The following OTUD1 variants were observed in gnomAD, a reference collection of about 807,000 sequenced individuals.
OTUD1 encodes OTU domain-containing protein 1.
A neutral mutation model predicts 30.0 loss-of-function variants in OTUD1; 15 were observed. The ratio of observed to expected loss-of-function variants is 0.50; its 90% CI spans 0.33 to 0.77. The LOEUF (loss-of-function observed/expected upper bound fraction) is 0.77, where lower values mean the gene tolerates loss of function less well. Among genes scored for constraint, OTUD1 ranks in the 30% least tolerant of loss-of-function variants. OTUD1 has a pLI of 0.02. For synonymous variants in OTUD1, 381 were observed against 326.3 expected, an observed-to-expected ratio of 1.17 and a Z score of -1.81; for missense variants, 796 against 697.8, an observed-to-expected ratio of 1.14 and a Z score of -1.59.
rs988415235 is a variant in OTUD1, at chr10:23,441,229, G to A, written c.*326G>A. The A allele has an allele frequency of 5.3e-5, 14 of 263,644 alleles. No individual in the cohort carries two copies. The South Asian group carries it at 9.9e-4, about 19-fold the overall frequency. 16.3% of individuals were successfully genotyped at this position (263,644 alleles called of 1,614,324 possible). On this transcript the variant is annotated 3_prime_UTR_variant, in exon 1 of 1. Transcript: ENST00000376495. ...CTATTTTCTATAAAAATGTATTTTT[G>A]CACAACATTTTTAAAAACTGGTGTA...
In OTUD1 at chr10:23,440,229, G is replaced by C; in HGVS notation, c.772G>C (p.Glu258Gln). The change falls in exon 1 of 1, where the codon GAG becomes CAG. Residue 258 changes from glutamate (E) to glutamine (Q), a missense_variant. Coordinates refer to ENST00000376495, the MANE Select transcript of OTUD1 (RefSeq NM_001145373.3). ...GGACGCGGCGCGGAGGCCCGACCCA[G>C]AGGCCGAGGCACCCCCCGCCGGGAG... ...GGDAARRPDP[E>Q]AEAPPAGSIE... 6.5e-7 allele frequency: 1 copy of C among 1,533,978 alleles called. No homozygotes were observed. Among genetic ancestry groups the C allele is most frequent in the African/African-American group, 1.4e-5 (1 of 72,702 alleles).
Position 23,439,295 on chromosome 10 carries a change from A to G in OTUD1, c.-163A>G, listed in dbSNP as rs1426798034. On this transcript the variant is annotated 5_prime_UTR_variant, in exon 1 of 1. Coordinates refer to ENST00000376495, the MANE Select transcript of OTUD1 (RefSeq NM_001145373.3). ...GGAATTTGGCCGGGACCCGGGCGCTATTCGCGGCTGCTGACTCGCGGCGGC... is the reference window on the plus strand; with the variant it reads ...GGAATTTGGCCGGGACCCGGGCGCTGTTCGCGGCTGCTGACTCGCGGCGGC... 2.0e-5 allele frequency among the ~76,000 whole-genome samples: 3 copies of G among 151,406 alleles called. No homozygotes were observed. Among genetic ancestry groups the G allele is most frequent in the Non-Finnish European group, 1.5e-5 (1 of 67,786 alleles).
In OTUD1 at chr10:23,441,642, TA is replaced by T. The variant is rs1847130528; in HGVS notation, c.*740del. 1 of 167,036 alleles carries T rather than the reference TA, an allele frequency of 6.0e-6. No individual in the cohort carries two copies. The highest frequency in any genetic ancestry group is 2.4e-5 in the African/African-American group (1 of 41,460). 10.3% of individuals were successfully genotyped at this position (167,036 alleles called of 1,614,324 possible). ...AGGTCTTACTTGAATGAAAGTCTGA[TA>T]TTTGCTGATGGCAGAATGATTATTC... On this transcript the variant is annotated 3_prime_UTR_variant, in exon 1 of 1. Coordinates refer to ENST00000376495, the MANE Select transcript of OTUD1 (RefSeq NM_001145373.3).
In OTUD1 at chr10:23,439,328, C is replaced by CT; in HGVS notation, c.-127dup. 3 of 831,384 alleles carry CT rather than the reference C, an allele frequency of 3.6e-6. No individual in the cohort carries two copies. Among genetic ancestry groups the CT allele is most frequent in the Non-Finnish European group, 4.7e-6 (3 of 631,956 alleles). 51.5% of individuals were successfully genotyped at this position (831,384 alleles called of 1,614,324 possible). A position where few individuals can be genotyped will look rare whatever the true frequency, so the allele number is the denominator to read the frequency against. ...CTGCTGACTCGCGGCGGCCGGCTGC[C>CT]TTTCGCTCATCTCTATTCTGGGGCC... On this transcript the variant is annotated 5_prime_UTR_variant, in exon 1 of 1. Transcript: ENST00000376495.
In OTUD1 at chr10:23,440,405, A is replaced by C. The variant is rs918155365; in HGVS notation, c.948A>C (p.Pro316=). ...ATAAGTACCGATTCCACATCATTCC[A>C]GACGGCAACTGCCTCTACCGAGCTG... ...QRNKYRFHII[P]DGNCLYRAVS... The change falls in exon 1 of 1, where the codon CCA becomes CCC. Residue 316 remains proline (P), a synonymous_variant. Transcript: ENST00000376495. 2 of 1,551,552 alleles carry C rather than the reference A, an allele frequency of 1.3e-6. No individual in the cohort carries two copies. The highest frequency in any genetic ancestry group is 1.7e-6 in the Non-Finnish European group (2 of 1,147,014).
In OTUD1 at chr10:23,440,671, T is replaced by G; in HGVS notation, c.1214T>G (p.Val405Gly). Residue 405 changes from valine to glycine, a missense_variant, in exon 1 of 1, where the codon GTG becomes GGG. Physicochemically the swap from Val to Gly is moderately radical, Grantham distance 109. Coordinates refer to ENST00000376495, the MANE Select transcript of OTUD1 (RefSeq NM_001145373.3). ...GGAGGGAGGCTGGAGAGTCCCACGG[T>G]GTCTACCATGATTCATTATTTGGGC... ...TTGGRLESPT[V>G]STMIHYLGPE... is the part of the protein sequence containing the mutation. 6.4e-7 allele frequency: 1 copy of G among 1,551,806 alleles called. No homozygotes were observed. The highest frequency in any genetic ancestry group is 8.7e-7 in the Non-Finnish European group (1 of 1,147,024).
chr10:23,440,807 ACAAACT>A lies in OTUD1; in HGVS notation c.1354_1359del (p.Thr452_Gln453del). On this transcript the variant is annotated inframe_deletion, in exon 1 of 1. Transcript: ENST00000376495. Reference sequence around the variant, plus strand: ...ACCCAGAGTACGACAACTGGTGCAAACAAACTCAAGTGCAAAGGAAACGCGACGAAG... The same window carrying A: ...ACCCAGAGTACGACAACTGGTGCAAACAAGTGCAAAGGAAACGCGACGAAG... 6.4e-7 allele frequency: 1 copy of A among 1,552,194 alleles called. No individual in the cohort carries two copies. The highest frequency in any genetic ancestry group is 8.7e-7 in the Non-Finnish European group (1 of 1,147,110).
chr10:23,441,940 G>A lies in OTUD1; in HGVS notation c.*1037G>A, dbSNP rs1847133433. On this transcript the variant is annotated 3_prime_UTR_variant, in exon 1 of 1. Transcript: ENST00000376495. ...AGGCAAAATAGGATTGCCCTGTATT[G>A]ATGTAGAAATGTCTGTAAACAGAGC... 1 of 166,974 alleles carries A rather than the reference G, an allele frequency of 6.0e-6. No individual in the cohort carries two copies. Among genetic ancestry groups the A allele is most frequent in the Non-Finnish European group, 1.5e-5 (1 of 68,114 alleles). 10.3% of individuals were successfully genotyped at this position (166,974 alleles called of 1,614,324 possible).
chr10:23,439,910 G>C lies in OTUD1; in HGVS notation c.453G>C (p.Pro151=), dbSNP rs1166970123. The change falls in exon 1 of 1, where the codon CCG becomes CCC. Residue 151 remains proline, a synonymous_variant. Coordinates refer to ENST00000376495, the MANE Select transcript of OTUD1 (RefSeq NM_001145373.3). ...GCGGCCGCTGCCTCCTGCTCGCCCC[G>C]GCGCCCGCAGCCCCGGTCCCGCCGC... ...APRGRCLLLA[P]APAAPVPPRR... is the part of the protein sequence containing the mutation. 3.3e-6 allele frequency: 4 copies of C among 1,207,606 alleles called. No individual in the cohort carries two copies. In the East Asian group the frequency reaches 1.4e-4, roughly 42 times the overall value. 74.8% of individuals were successfully genotyped at this position (1,207,606 alleles called of 1,614,324 possible). A position where few individuals can be genotyped will look rare whatever the true frequency, so the allele number is the denominator to read the frequency against.
At position 23,439,979 on chromosome 10, in the gene OTUD1, C is replaced by T. The variant is rs1177596978; in HGVS notation, c.522C>T (p.Pro174=). 5.3e-6 allele frequency: 7 copies of T among 1,325,302 alleles called. No homozygotes were observed. In the East Asian group the frequency reaches 1.3e-4, roughly 24 times the overall value. The allele number at this position is 1,325,302 out of a possible 1,614,324, so 82.1% of individuals were successfully genotyped here. A position where few individuals can be genotyped will look rare whatever the true frequency, so the allele number is the denominator to read the frequency against. ...GGCTCCTGGAGGAGCTGCTGCGGCC[C>T]GACTGCCCCGAGCCCGCGGGCTTGG... ...SAWLLEELLR[P]DCPEPAGLDA... Residue 174 remains proline (P), a synonymous_variant, in exon 1 of 1, where the codon CCC becomes CCT. Transcript: ENST00000376495.
chr10:23,440,210 G>A lies in OTUD1; in HGVS notation c.753G>A (p.Ala251=). The change falls in exon 1 of 1, where the codon GCG becomes GCA. Residue 251 remains alanine (A), a synonymous_variant. Transcript: ENST00000376495. ...GDRCDAPGGD[A]ARRPDPEAEA... ...GCTGCGACGCGCCCGGTGGGGACGC[G>A]GCGCGGAGGCCCGACCCAGAGGCCG... The A allele has an allele frequency of 6.7e-7, 1 of 1,489,820 alleles. No homozygotes were observed. The highest frequency in any genetic ancestry group is 8.9e-7 in the Non-Finnish European group (1 of 1,119,238). 92.3% of individuals were successfully genotyped at this position (1,489,820 alleles called of 1,614,324 possible).
Position 23,440,723 on chromosome 10 carries a change from T to TTGAA in OTUD1, c.1268_1269insAATG (p.Trp423Ter). ...CAGAGGATTCCCTGAGGCCTAGTAT[T>TTGAA]TGGCTCAGTTGGCTCAGTAACGGAC... On this transcript the variant is annotated stop_gained and frameshift_variant, in exon 1 of 1. Transcript: ENST00000376495. LOFTEE classifies it high-confidence loss of function. The TTGAA allele has an allele frequency of 6.4e-7, 1 of 1,552,010 alleles. No homozygotes were observed. The highest frequency in any genetic ancestry group is 8.7e-7 in the Non-Finnish European group (1 of 1,147,070).
chr10:23,439,604 G>A lies in OTUD1; in HGVS notation c.147G>A (p.Glu49=). ...PGAAGAAPEP[E]TGECQPAAAA... is the part of the protein sequence containing the mutation. Reference sequence around the variant, plus strand: ...CCGCCGGCGCCGCGCCCGAGCCCGAGACCGGTGAGTGCCAGCCCGCCGCGG... The same window carrying A: ...CCGCCGGCGCCGCGCCCGAGCCCGAAACCGGTGAGTGCCAGCCCGCCGCGG... The change falls in exon 1 of 1, where the codon GAG becomes GAA. Residue 49 remains glutamate, a synonymous_variant. Coordinates refer to ENST00000376495, the MANE Select transcript of OTUD1 (RefSeq NM_001145373.3). The A allele has an allele frequency of 7.3e-7, 1 of 1,363,228 alleles. No homozygotes were observed. The highest frequency in any genetic ancestry group is 9.5e-7 in the Non-Finnish European group (1 of 1,053,182). The allele number at this position is 1,363,228 out of a possible 1,614,324, so 84.4% of individuals were successfully genotyped here.
chr10:23,439,801 C>A lies in OTUD1; in HGVS notation c.344C>A (p.Thr115Asn). 8.8e-7 allele frequency: 1 copy of A among 1,133,524 alleles called. No homozygotes were observed. Among genetic ancestry groups the A allele is most frequent in the Admixed American group, 4.9e-5 (1 of 20,510 alleles). The allele number at this position is 1,133,524 out of a possible 1,614,324, so 70.2% of individuals were successfully genotyped here. ...CACTACACGTCCACCGCACAGATCA[C>A]CGTGCGGGCCCTGGGCGCCGACAGG... ...PPHYTSTAQITVRALGADRLL... is the reference protein window; with the variant it reads ...PPHYTSTAQINVRALGADRLL... The change falls in exon 1 of 1, where the codon ACC (threonine) becomes AAC (asparagine). Residue 115 changes from threonine (T) to asparagine (N), a missense_variant. Transcript: ENST00000376495.
Position 23,441,799 on chromosome 10 carries a change from A to G in OTUD1, c.*896A>G, listed in dbSNP as rs565097892. On this transcript the variant is annotated 3_prime_UTR_variant, in exon 1 of 1. Coordinates refer to ENST00000376495, the MANE Select transcript of OTUD1 (RefSeq NM_001145373.3). ...TGACAAGATAAGCCTCCTGCTTTAT[A>G]TAACTTCTTGAATCCAGCTAAGAGA... 1 of 167,104 alleles carries G rather than the reference A, an allele frequency of 6.0e-6. No individual in the cohort carries two copies. The highest frequency in any genetic ancestry group is 1.5e-5 in the Non-Finnish European group (1 of 68,112). 10.4% of individuals were successfully genotyped at this position (167,104 alleles called of 1,614,324 possible).
In OTUD1 at chr10:23,439,497, G is replaced by T; in HGVS notation, c.40G>T (p.Gly14Trp). Residue 14 changes from glycine to tryptophan, a missense_variant, in exon 1 of 1, where the codon GGG becomes TGG. Coordinates refer to ENST00000376495, the MANE Select transcript of OTUD1 (RefSeq NM_001145373.3). ...CAGCGTCTGCACCCACTACCCCGCC[G>T]GGGCCCCGGGTCCCACGGCCGCCGC... ...YSSVCTHYPA[G>W]APGPTAAAPA... 7.3e-7 allele frequency: 1 copy of T among 1,370,144 alleles called. No homozygotes were observed. Among genetic ancestry groups the T allele is most frequent in the Non-Finnish European group, 9.4e-7 (1 of 1,061,632 alleles). 84.9% of individuals were successfully genotyped at this position (1,370,144 alleles called of 1,614,324 possible). A position where few individuals can be genotyped will look rare whatever the true frequency, so the allele number is the denominator to read the frequency against.
Position 23,440,791 on chromosome 10 carries a change from A to G in OTUD1, c.1334A>G (p.Tyr445Cys), listed in dbSNP as rs1847119108. Residue 445 changes from tyrosine (Y) to cysteine (C), a missense_variant, in exon 1 of 1, where the codon TAC becomes TGC. Coordinates refer to ENST00000376495, the MANE Select transcript of OTUD1 (RefSeq NM_001145373.3). Reference sequence around the variant, plus strand: ...GATCACTCCTATCCTAACCCAGAGTACGACAACTGGTGCAAACAAACTCAA... The same window carrying G: ...GATCACTCCTATCCTAACCCAGAGTGCGACAACTGGTGCAAACAAACTCAA... ...VFDHSYPNPE[Y>C]DNWCKQTQVQ... The G allele has an allele frequency of 1.9e-6, 3 of 1,552,224 alleles. No individual in the cohort carries two copies. Among genetic ancestry groups the G allele is most frequent in the Non-Finnish European group, 2.6e-6 (3 of 1,147,106 alleles).
Position 23,439,389 on chromosome 10 carries a change from G to T in OTUD1, c.-69G>T, listed in dbSNP as rs1282929692. 3.3e-6 allele frequency: 4 copies of T among 1,206,712 alleles called. No homozygotes were observed. The highest frequency in any genetic ancestry group is 4.1e-6 in the Non-Finnish European group (4 of 969,438). 74.8% of individuals were successfully genotyped at this position (1,206,712 alleles called of 1,614,324 possible). The stretch of plus-strand genomic sequence containing the variant: ...CGCGCTCCGCCGGCCCCCTCCCCCG[G>T]GCCCGGAGGGTGTGTCCCCCGCTCC... On this transcript the variant is annotated 5_prime_UTR_variant, in exon 1 of 1. Transcript: ENST00000376495.
chr10:23,440,330 C>G lies in OTUD1; in HGVS notation c.873C>G (p.Ala291=). 6.4e-7 allele frequency: 1 copy of G among 1,551,304 alleles called. No individual in the cohort carries two copies. The highest frequency in any genetic ancestry group is 8.7e-7 in the Non-Finnish European group (1 of 1,146,914). Residue 291 remains alanine (A), a synonymous_variant, in exon 1 of 1, where the codon GCC becomes GCG. Transcript: ENST00000376495. ...SRSDPRDEKL[A]LYLAEVEKQD... ...CGGATCCCAGAGACGAGAAGCTGGC[C>G]CTATACCTGGCCGAGGTGGAGAAGC...
Sources: gnomAD v4.1 joint callset for allele counts (sites outside exome capture counted in the v4.1 genomes callset) on GRCh38, gnomAD v4.1.1 for gene constraint, MANE v1.5 for transcripts, NCBI Gene and HGNC (gene_info 2026-07-23, HGNC 2026-07-21) for gene names.